The following ERC1 variants were observed in gnomAD, a reference collection of about 807,000 sequenced individuals.
The protein encoded by ERC1 is ELKS/RAB6-interacting/CAST family member 1.
A neutral mutation model predicts 132.0 loss-of-function variants in ERC1; 56 were observed. The observed-to-expected ratio is 0.42, with a 90% CI of 0.34 to 0.53. ERC1 has a LOEUF of 0.53. ERC1 is among the 20% of genes least tolerant of loss of function. ERC1 has a pLI of 0.03. For synonymous variants in ERC1, 478 were observed against 476.1 expected, an observed-to-expected ratio of 1.00 and a Z score of -0.05; for missense variants, 1,202 against 1,349.9, an observed-to-expected ratio of 0.89 and a Z score of 1.72.
At chr12:1,267,832 ACAGTGATATT>A (rs2077573275) in intron 14 of ERC1, among the ~76,000 whole-genome samples, 1 of 152,198 alleles carries the variant, frequency 6.6e-6, no homozygotes, top group South Asian at 2.1e-4. Flanking sequence ...CCCATTTTTA[ACAGTGATATT>A]CAGTGATAAA....
intron 18 of ERC1, among the ~76,000 whole-genome samples, chr12:1,474,379 C>A (rs919643423): frequency 3.3e-5 from 5 of 152,184 alleles, no homozygotes; most frequent in Non-Finnish European, 2.9e-5. Context: ...CTCTTGTAAC[C>A]GTCCCTTCTT....
chr12:1,445,136 T>G (rs73597989), intron 18 of ERC1: 9,719 of 164,490 alleles, frequency 0.059, 1,010 homozygotes, highest in African/African-American at 0.22. Context: ...ATACTTTCCA[T>G]TTTTGTGTGT....
chr12:1,091,205 T>C (rs1041647171), intron 3 of ERC1, among the ~76,000 whole-genome samples: 1 of 152,174 alleles, frequency 6.6e-6, no homozygotes, highest in Non-Finnish European at 1.5e-5. Flanking sequence ...TTATTATTTA[T>C]AGATTCCTTC....
chr12:1,071,092 A>G (rs1301193564), intron 2 of ERC1, among the ~76,000 whole-genome samples: 1 of 152,192 alleles, frequency 6.6e-6, no homozygotes, highest in African/African-American at 2.4e-5. Context: ...CAGTTTATCC[A>G]ATCTTCTGTT....
At chr12:1,004,587 A>G (rs780866972) in intron 1 of ERC1, among the ~76,000 whole-genome samples, 4 of 151,302 alleles carry the variant, frequency 2.6e-5, no homozygotes, top group Non-Finnish European at 5.9e-5. Context: ...TTGTATTTTT[A>G]GCAGAGATGG....
At position 1,046,299 on chromosome 12, in the gene ERC1, G is replaced by A. The variant is rs1971073462; in HGVS notation, c.669+17727G>A. Among the ~76,000 whole-genome samples, 4 of 152,128 alleles carry A rather than the reference G, an allele frequency of 2.6e-5. No individual in the cohort carries two copies. The South Asian group carries it at 8.3e-4, about 31-fold the overall frequency. On this transcript the variant is annotated intron_variant, in intron 2 of 18. Coordinates refer to ENST00000360905, the MANE Select transcript of ERC1 (RefSeq NM_178040.4). ...ATTAAGGCAACTTGGTCATGGACTG[G>A]CTTTGAGAAACATTAGTTTATAATA...
At chr12:995,035 G>T (rs1278374858) in intron 1 of ERC1, among the ~76,000 whole-genome samples, 1 of 151,868 alleles carries the variant, frequency 6.6e-6, no homozygotes, top group South Asian at 2.1e-4. Flanking sequence ...GGCGGAGGTT[G>T]CAGTGAGTGG....
intron 15 of ERC1, among the ~76,000 whole-genome samples, chr12:1,344,986 A>G (rs570382581): frequency 3.3e-5 from 5 of 152,312 alleles, no homozygotes; most frequent in Admixed American, 6.5e-5. Context: ...AGTACAAAGT[A>G]GAAAGAATAA....
intron 15 of ERC1, among the ~76,000 whole-genome samples, chr12:1,330,356 T>C (rs545745704): frequency 2.0e-5 from 3 of 152,310 alleles, no homozygotes; most frequent in African/African-American, 4.8e-5. Flanking sequence ...ACTCATAATG[T>C]TATTTTTTAT....
chr12:1,445,676 G>C (rs1173075391), intron 18 of ERC1, among the ~76,000 whole-genome samples: 2 of 152,134 alleles, frequency 1.3e-5, no homozygotes, highest in Admixed American at 6.5e-5. Flanking sequence ...ACAGATATTT[G>C]GAATTACCTT....
intron 17 of ERC1, among the ~76,000 whole-genome samples, chr12:1,412,023 T>C (rs12297987): frequency 0.062 from 9,482 of 152,330 alleles, 469 homozygotes; most frequent in African/African-American, 0.12. Flanking sequence ...ATATATTAAC[T>C]TTCATTGGTT....
intron 12 of ERC1, among the ~76,000 whole-genome samples, chr12:1,195,594 T>C (rs951087791): frequency 1.3e-5 from 2 of 152,210 alleles, no homozygotes; most frequent in African/African-American, 4.8e-5. Context: ...AGAAGAAAGA[T>C]GACCCCTTTC....
intron 18 of ERC1, among the ~76,000 whole-genome samples, chr12:1,455,528 T>A (rs1212509974): frequency 1.3e-5 from 2 of 152,224 alleles, no homozygotes; most frequent in Admixed American, 1.3e-4. Context: ...GAATTTCTCC[T>A]CATGTATAAG....
intron 12 of ERC1, among the ~76,000 whole-genome samples, chr12:1,231,444 A>G (rs1207433031): frequency 6.6e-6 from 1 of 152,070 alleles, no homozygotes; most frequent in African/African-American, 2.4e-5. Flanking sequence ...GTTAAAATTG[A>G]TTTATGTACC....
At chr12:1,279,498 C>T (rs897360668) in intron 14 of ERC1, among the ~76,000 whole-genome samples, 4 of 151,806 alleles carry the variant, frequency 2.6e-5, no homozygotes, top group African/African-American at 7.3e-5. Context: ...AATTTAGGCT[C>T]GAGTTTTCAT....
chr12:1,216,385 T>C, intron 12 of ERC1, among the ~76,000 whole-genome samples: 1 of 152,116 alleles, frequency 6.6e-6, no homozygotes, highest in East Asian at 1.9e-4. Context: ...ATGCCTTGAT[T>C]TCCCACAGTT....
intron 15 of ERC1, among the ~76,000 whole-genome samples, chr12:1,311,631 G>C (rs771594972): frequency 2.0e-5 from 3 of 151,900 alleles, no homozygotes; most frequent in African/African-American, 4.8e-5. Flanking sequence ...AGTTTTTCTC[G>C]TGTATCAGGC....
intron 2 of ERC1, among the ~76,000 whole-genome samples, chr12:1,064,220 CT>C (rs111805974): frequency 0.045 from 6,411 of 141,978 alleles, 198 homozygotes; most frequent in African/African-American, 0.092. Flanking sequence ...GTTTAAAAAA[CT>C]TTTTTTTTTT....
intron 16 of ERC1, among the ~76,000 whole-genome samples, chr12:1,402,990 AC>A (rs2091202266): frequency 6.6e-6 from 1 of 152,218 alleles, no homozygotes; most frequent in African/African-American, 2.4e-5. Flanking sequence ...CGTTTGGATA[AC>A]CTATCCTGTC....
Sources: allele counts gnomAD v4.1 joint callset (sites outside exome capture counted in the v4.1 genomes callset), GRCh38; gene constraint gnomAD v4.1.1; transcripts MANE v1.5; gene names NCBI Gene and HGNC (gene_info 2026-07-23, HGNC 2026-07-21).